The following GPC5 variants were observed in gnomAD, a reference collection of about 807,000 sequenced individuals.
GPC5 encodes glypican 5.
In GPC5, 47 loss-of-function variants were observed where a neutral mutation model predicts 53.9. That is an observed-to-expected ratio of 0.87 (90% confidence interval 0.69 to 1.11). The LOEUF is 1.11. GPC5 is among the 50% of genes most tolerant of loss of function. The pLI is 0.00. For missense variants in GPC5, 748 were observed against 713.1 expected (o/e 1.05, Z -0.56); for synonymous variants, 286 against 263.3 (o/e 1.09, Z -0.84).
Position 92,765,482 on chromosome 13 carries a change from G to T in GPC5, c.1562-100800G>T, listed in dbSNP as rs183592949. Among the ~76,000 whole-genome samples, 156 of 152,314 alleles carry T rather than the reference G, an allele frequency of 1.0e-3. No individual in the cohort carries two copies. The Middle Eastern group carries it at 0.031, about 30-fold the overall frequency. ...AAGAACTCTAAATCTGAAGCCAAAA[G>T]CTGTATCTGAAATATAATTCTGATA... On this transcript the variant is annotated intron_variant, in intron 7 of 7. Transcript: ENST00000377067.
intron 7 of GPC5, among the ~76,000 whole-genome samples, chr13:92,468,986 C>A (rs539221013): frequency 6.6e-6 from 1 of 152,132 alleles, no homozygotes; most frequent in Non-Finnish European, 1.5e-5. Context: ...CTATTCCTAT[C>A]GCACAAATTA....
intron 7 of GPC5, among the ~76,000 whole-genome samples, chr13:92,798,860 G>A (rs1287530420): frequency 1.3e-5 from 2 of 151,906 alleles, no homozygotes; most frequent in South Asian, 2.1e-4. Flanking sequence ...ACTGCTGTAC[G>A]AAAACTCTAA....
chr13:92,102,862 T>G (rs933650056), intron 6 of GPC5, among the ~76,000 whole-genome samples: 1 of 152,086 alleles, frequency 6.6e-6, no homozygotes, highest in Non-Finnish European at 1.5e-5. Context: ...TTGATGAGGT[T>G]GTTGTTTGTT....
chr13:91,757,719 T>G (rs1440560081), intron 5 of GPC5, among the ~76,000 whole-genome samples: 22 of 152,140 alleles, frequency 1.4e-4, no homozygotes, highest in Admixed American at 1.4e-3. Context: ...ACTTCTTTCC[T>G]TTATAAATCA....
chr13:91,677,644 G>A (rs1200725301), intron 2 of GPC5, among the ~76,000 whole-genome samples: 2 of 151,868 alleles, frequency 1.3e-5, no homozygotes. Context: ...CAGCATTAAG[G>A]GATTTTATTC....
chr13:91,889,459 G>A (rs979779465), intron 5 of GPC5, among the ~76,000 whole-genome samples: 6 of 133,498 alleles, frequency 4.5e-5, no homozygotes, highest in African/African-American at 2.1e-4. Context: ...TTGTTTTACT[G>A]ATTTTTTTTT....
chr13:92,270,064 G>A (rs2042829566), intron 7 of GPC5, among the ~76,000 whole-genome samples: 1 of 152,162 alleles, frequency 6.6e-6, no homozygotes, highest in Non-Finnish European at 1.5e-5. Flanking sequence ...AAGGAGGGTG[G>A]TGGGGAAGGG....
intron 2 of GPC5, among the ~76,000 whole-genome samples, chr13:91,630,652 A>G (rs557092127): frequency 1.3e-5 from 2 of 152,204 alleles, no homozygotes; most frequent in Non-Finnish European, 2.9e-5. Flanking sequence ...CCTGTCCCCA[A>G]ATTACAGAAT....
At chr13:92,547,641 C>A (rs1013800355) in intron 7 of GPC5, among the ~76,000 whole-genome samples, 1 of 152,062 alleles carries the variant, frequency 6.6e-6, no homozygotes, top group Non-Finnish European at 1.5e-5. Flanking sequence ...TTTTCAAGAT[C>A]TATTCTTCTT....
intron 6 of GPC5, among the ~76,000 whole-genome samples, chr13:92,008,849 A>G (rs2040634648): frequency 6.6e-6 from 1 of 151,900 alleles, no homozygotes; most frequent in Non-Finnish European, 1.5e-5. Flanking sequence ...TGCTCTGTTC[A>G]TTTCATTTTT....
In GPC5 at chr13:92,358,650, A is replaced by C. The variant is rs376482230; in HGVS notation, c.1561+213661A>C. On this transcript the variant is annotated intron_variant, in intron 7 of 7. Transcript: ENST00000377067. ...AAGCTTCAACTCTTGCTCTCTGTGC[A>C]CCTACAGGCTTAACCCCATGTGGAA... Among the ~76,000 whole-genome samples the C allele has an allele frequency of 3.0e-4, 46 of 151,890 alleles. 1 individual carries two copies. The South Asian group carries it at 9.1e-3, about 30-fold the overall frequency.
At chr13:92,362,020 T>C (rs2043571798) in intron 7 of GPC5, among the ~76,000 whole-genome samples, 1 of 151,738 alleles carries the variant, frequency 6.6e-6, no homozygotes, top group South Asian at 2.1e-4. Context: ...TGCAGATTCA[T>C]ATCAACCATG....
At chr13:92,762,681 T>G (rs545962261) in intron 7 of GPC5, among the ~76,000 whole-genome samples, 51 of 152,278 alleles carry the variant, frequency 3.3e-4, no homozygotes, top group African/African-American at 1.2e-3. Context: ...CATCTTTGTC[T>G]CTTCTCACGA....
At chr13:92,206,168 T>G (rs1441760043) in intron 7 of GPC5, among the ~76,000 whole-genome samples, 518 of 11,910 alleles carry the variant, frequency 0.043, 14 homozygotes, top group African/African-American at 0.2. Context: ...TTTTTTTTTA[T>G]TTTTTTTTTT....
In GPC5 at chr13:92,114,299, GCA is replaced by G. The variant is rs548094859; in HGVS notation, c.1402-30522_1402-30521del. On this transcript the variant is annotated intron_variant, in intron 6 of 7. Coordinates refer to ENST00000377067, the MANE Select transcript of GPC5 (RefSeq NM_004466.6). ...AGCGCCTTCACACTTGCATGAGTGT[GCA>G]CACACACAGGCACACACACATACTC... Among the ~76,000 whole-genome samples, 111 of 151,934 alleles carry G rather than the reference GCA, an allele frequency of 7.3e-4. 1 individual carries two copies. The highest frequency in any genetic ancestry group is 2.4e-3 in the African/African-American group (101 of 41,282).
chr13:92,062,316 A>G (rs1429859285), intron 6 of GPC5, among the ~76,000 whole-genome samples: 1 of 151,968 alleles, frequency 6.6e-6, no homozygotes, highest in Non-Finnish European at 1.5e-5. Flanking sequence ...TTCCTAAGAA[A>G]TACTGTTCTT....
At chr13:92,283,579 T>A (rs1193551651) in intron 7 of GPC5, among the ~76,000 whole-genome samples, 3 of 152,152 alleles carry the variant, frequency 2.0e-5, no homozygotes, top group South Asian at 4.1e-4. Context: ...GAACTCAGGA[T>A]TAAGAAACTC....
At chr13:92,322,373 A>G (rs766264312) in intron 7 of GPC5, among the ~76,000 whole-genome samples, 2 of 152,200 alleles carry the variant, frequency 1.3e-5, no homozygotes, top group Non-Finnish European at 1.5e-5. Context: ...TATATGAGAC[A>G]TTTGACCACA....
At chr13:92,634,244 A>G (rs1196595487) in intron 7 of GPC5, among the ~76,000 whole-genome samples, 3 of 152,196 alleles carry the variant, frequency 2.0e-5, no homozygotes, top group African/African-American at 7.2e-5. Flanking sequence ...TAATTCCAAG[A>G]TTACCTTTCT....
Sources: gnomAD v4.1 joint callset for allele counts (sites outside exome capture counted in the v4.1 genomes callset) on GRCh38, gnomAD v4.1.1 for gene constraint, MANE v1.5 for transcripts, NCBI Gene and HGNC (gene_info 2026-07-23, HGNC 2026-07-21) for gene names.